Variants in GLIS3 observed in about 807,000 individuals in gnomAD.
GLIS3 encodes the protein GLIS family zinc finger 3.
In GLIS3, 53 loss-of-function variants were observed where a neutral mutation model predicts 78.6. The observed-to-expected ratio is 0.67, with a 90% CI of 0.54 to 0.85. The LOEUF (loss-of-function observed/expected upper bound fraction) is 0.85, where lower values mean the gene tolerates loss of function less well. Ranked by LOEUF, GLIS3 falls within the 40% of genes least tolerant of loss-of-function variation. GLIS3 has a pLI of 0.00. For synonymous variants in GLIS3, 684 were observed against 509.9 expected (o/e 1.34, Z -4.60); for missense variants, 1,703 against 1,231.1 (o/e 1.38, Z -5.74).
intron 4 of GLIS3, among the ~76,000 whole-genome samples, chr9:4,049,219 G>T (rs1825505305): frequency 6.6e-6 from 1 of 151,306 alleles, no homozygotes; most frequent in Non-Finnish European, 1.5e-5. Context: ...GCTTCAGCCA[G>T]TGTACTGCTT....
intron 4 of GLIS3, among the ~76,000 whole-genome samples, chr9:3,994,474 A>T (rs1484637465): frequency 6.6e-6 from 1 of 152,210 alleles, no homozygotes; most frequent in African/African-American, 2.4e-5. Flanking sequence ...GTGAGACTGA[A>T]AATAAGCTCT....
chr9:4,473,463 A>C, the GLIS3 span, among the ~76,000 whole-genome samples: 84 of 147,500 alleles, frequency 5.7e-4, 1 homozygote, highest in Middle Eastern at 3.4e-3. Context: ...ACAACAACAA[A>C]AAAAAAGGAT....
chr9:4,229,107 T>C (rs1257876096), intron 2 of GLIS3, among the ~76,000 whole-genome samples: 1 of 152,138 alleles, frequency 6.6e-6, no homozygotes, highest in African/African-American at 2.4e-5. Context: ...GTGCGTATGA[T>C]ATGCTACCAC....
rs1817638541 is a variant in GLIS3, at chr9:3,824,813, A to G, written c.*3459T>C. ...CCACTTTTTTCCCCCAAAGTGCTTT[A>G]TGTCAGCAACATTACACAGGATACT... On this transcript the variant is annotated 3_prime_UTR_variant, in exon 11 of 11. Transcript: ENST00000381971. The G allele has an allele frequency of 6.6e-6, 1 of 151,752 alleles. No homozygotes were observed. The highest frequency in any genetic ancestry group is 1.5e-5 in the Non-Finnish European group (1 of 67,956). 9.4% of individuals were successfully genotyped at this position (151,752 alleles called of 1,614,324 possible). A position where few individuals can be genotyped will look rare whatever the true frequency, so the allele number is the denominator to read the frequency against.
intron 4 of GLIS3, among the ~76,000 whole-genome samples, chr9:4,053,489 C>G (rs1210573088): frequency 6.6e-6 from 1 of 152,064 alleles, no homozygotes; most frequent in African/African-American, 2.4e-5. Context: ...AGTTAATTGT[C>G]TACTTCTCTT....
At chr9:4,014,859 AG>A (rs1358280776) in intron 4 of GLIS3, among the ~76,000 whole-genome samples, 1 of 152,204 alleles carries the variant, frequency 6.6e-6, no homozygotes, top group Non-Finnish European at 1.5e-5. Context: ...TGGCAGAGCT[AG>A]GACAATTCAA....
At chr9:4,027,978 A>C (rs1823488193) in intron 4 of GLIS3, among the ~76,000 whole-genome samples, 1 of 152,162 alleles carries the variant, frequency 6.6e-6, no homozygotes, top group South Asian at 2.1e-4. Flanking sequence ...AGTCCATTCC[A>C]AGAGACCTGT....
intron 2 of GLIS3, among the ~76,000 whole-genome samples, chr9:4,317,765 T>G (rs1325924831): frequency 2.0e-5 from 3 of 152,172 alleles, no homozygotes; most frequent in Non-Finnish European, 4.4e-5. Flanking sequence ...AGCTCAGAAT[T>G]TATTTACTGT....
chr9:4,079,644 A>T (rs1828381291), intron 4 of GLIS3, among the ~76,000 whole-genome samples: 1 of 152,146 alleles, frequency 6.6e-6, no homozygotes, highest in South Asian at 2.1e-4. Context: ...TGCTGGGAAG[A>T]GCATGGCTAT....
At chr9:4,413,283 G>A in the GLIS3 span, among the ~76,000 whole-genome samples, 4 of 152,280 alleles carry the variant, frequency 2.6e-5, no homozygotes, top group South Asian at 8.3e-4. Context: ...CCATACCCTT[G>A]CATAGTGCCT....
chr9:4,189,730 T>A (rs7024739), intron 2 of GLIS3, among the ~76,000 whole-genome samples: 24,522 of 152,126 alleles, frequency 0.16, 2,029 homozygotes, highest in Middle Eastern at 0.25. Flanking sequence ...GTTGAATTGA[T>A]CCCTTTACCA....
intron 2 of GLIS3, among the ~76,000 whole-genome samples, chr9:4,342,014 A>T (rs1419995624): frequency 6.6e-6 from 1 of 152,170 alleles, no homozygotes; most frequent in East Asian, 1.9e-4. Context: ...TGTTGGATGC[A>T]TACTTTGCAA....
At chr9:4,051,209 T>C (rs563830155) in intron 4 of GLIS3, among the ~76,000 whole-genome samples, 3 of 152,308 alleles carry the variant, frequency 2.0e-5, no homozygotes, top group African/African-American at 7.2e-5. Flanking sequence ...TGTGTGTTTA[T>C]GAGGAAATTC....
At chr9:4,457,925 G>C in the GLIS3 span, among the ~76,000 whole-genome samples, 1 of 151,738 alleles carries the variant, frequency 6.6e-6, no homozygotes, top group Non-Finnish European at 1.5e-5. Flanking sequence ...CTGACCTTAA[G>C]TATAGCTCCT....
At chr9:4,067,812 A>T (rs953956343) in intron 4 of GLIS3, among the ~76,000 whole-genome samples, 7 of 151,832 alleles carry the variant, frequency 4.6e-5, no homozygotes, top group African/African-American at 7.3e-5. Context: ...GCAAAAAAAA[A>T]ATATATGGTT....
chr9:4,238,783 C>T (rs115358305), intron 2 of GLIS3, among the ~76,000 whole-genome samples: 1 of 152,152 alleles, frequency 6.6e-6, no homozygotes. Flanking sequence ...TCCTTCAGCA[C>T]TAATGTCCCA....
intron 4 of GLIS3, among the ~76,000 whole-genome samples, chr9:3,963,447 C>T (rs1817714133): frequency 6.6e-6 from 1 of 152,168 alleles, no homozygotes; most frequent in Admixed American, 6.5e-5. Flanking sequence ...AGGGCAAACT[C>T]TGCATCCTTC....
chr9:4,157,836 G>C (rs2131067991), intron 2 of GLIS3, among the ~76,000 whole-genome samples: 1 of 152,264 alleles, frequency 6.6e-6, no homozygotes, highest in Admixed American at 6.5e-5. Context: ...GCCTTTATGT[G>C]CAGTTAATTA....
chr9:4,093,961 G>C lies in GLIS3; in HGVS notation c.1710+23807C>G, dbSNP rs187297283. 5.3e-5 allele frequency among the ~76,000 whole-genome samples: 8 copies of C among 152,256 alleles called. No individual in the cohort carries two copies. The East Asian group carries it at 1.5e-3, about 29-fold the overall frequency. On this transcript the variant is annotated intron_variant, in intron 4 of 10. Transcript: ENST00000381971. ...CAACTGTGTATTGAATCGATAATTT[G>C]CTGCTGTCTAGTTCTTAAGAGTGAT... is the stretch of plus-strand genomic sequence containing the variant.
Sources: gnomAD v4.1 joint callset for allele counts (sites outside exome capture counted in the v4.1 genomes callset) on GRCh38, gnomAD v4.1.1 for gene constraint, MANE v1.5 for transcripts, NCBI Gene and HGNC (gene_info 2026-07-23, HGNC 2026-07-21) for gene names.